Variants in CSMD1 observed in about 807,000 individuals in gnomAD.
CSMD1 encodes CUB and sushi domain-containing protein 1.
A neutral mutation model predicts 417.5 loss-of-function variants in CSMD1; 213 were observed. That is an observed-to-expected ratio of 0.51 (90% CI 0.46 to 0.57). CSMD1 has a LOEUF of 0.57. Among genes scored for constraint, CSMD1 ranks in the 20% least tolerant of loss-of-function variants. The pLI is 0.00. For synonymous variants in CSMD1, 2,862 were observed against 1,736.8 expected (o/e 1.65, Z -16.11); for missense variants, 6,923 against 4,529.7 (o/e 1.53, Z -15.17).
intron 3 of CSMD1, among the ~76,000 whole-genome samples, chr8:4,231,594 A>T (rs11992222): frequency 6.6e-6 from 1 of 151,986 alleles, no homozygotes; most frequent in Non-Finnish European, 1.5e-5. Context: ...ATAAATCTGC[A>T]TACAATCCCC....
intron 4 of CSMD1, among the ~76,000 whole-genome samples, chr8:4,009,692 G>A (rs559244004): frequency 6.6e-6 from 1 of 151,976 alleles, no homozygotes. Flanking sequence ...TATTGAGGAA[G>A]GAAGGGCCAC....
intron 1 of CSMD1, among the ~76,000 whole-genome samples, chr8:4,885,232 C>A (rs557687709): frequency 2.0e-5 from 3 of 151,958 alleles, no homozygotes; most frequent in Non-Finnish European, 1.5e-5. Flanking sequence ...GTTTTTTAAT[C>A]GAATTTCTTA....
intron 3 of CSMD1, among the ~76,000 whole-genome samples, chr8:4,190,541 AG>A (rs1798962618): frequency 1.3e-5 from 1 of 74,748 alleles, no homozygotes; most frequent in African/African-American, 4.3e-5. Context: ...TACACATATA[AG>A]CTTTTTTTTT....
At chr8:3,896,779 G>A (rs537132360) in intron 5 of CSMD1, among the ~76,000 whole-genome samples, 5 of 152,128 alleles carry the variant, frequency 3.3e-5, no homozygotes, top group African/African-American at 1.2e-4. Flanking sequence ...TAAACAGCAA[G>A]TATATTGTCT....
chr8:4,846,117 T>C (rs528259354), intron 1 of CSMD1, among the ~76,000 whole-genome samples: 17 of 152,334 alleles, frequency 1.1e-4, no homozygotes, highest in South Asian at 6.2e-4. Flanking sequence ...CACGTGGCCA[T>C]TGAGTACCTC....
At chr8:3,141,186 T>C (rs987825131) in intron 41 of CSMD1, among the ~76,000 whole-genome samples, 2 of 151,994 alleles carry the variant, frequency 1.3e-5, no homozygotes, top group African/African-American at 4.8e-5. Flanking sequence ...TGTGTGCAGG[T>C]GGGATGGGAG....
intron 1 of CSMD1, among the ~76,000 whole-genome samples, chr8:4,775,786 T>C (rs1456325763): frequency 6.6e-6 from 1 of 152,150 alleles, no homozygotes; most frequent in Non-Finnish European, 1.5e-5. Flanking sequence ...GTGGATGCAC[T>C]GGGGATGGGT....
intron 3 of CSMD1, among the ~76,000 whole-genome samples, chr8:4,327,846 A>G (rs1181609902): frequency 6.6e-6 from 1 of 152,196 alleles, no homozygotes; most frequent in African/African-American, 2.4e-5. Flanking sequence ...TTTTGTTTGA[A>G]AGATGACACA....
At chr8:3,753,155 C>T (rs948095817) in intron 6 of CSMD1, among the ~76,000 whole-genome samples, 7 of 152,126 alleles carry the variant, frequency 4.6e-5, no homozygotes, top group African/African-American at 1.4e-4. Flanking sequence ...ATGGGGTCAA[C>T]GTTCTCATCG....
At chr8:3,493,312 AG>A (rs35321077) in intron 11 of CSMD1, among the ~76,000 whole-genome samples, 27,861 of 124,752 alleles carry the variant, frequency 0.22, 2,490 homozygotes, top group East Asian at 0.45. Context: ...AAAAAAAAAA[AG>A]GGGGGGCGGA....
intron 3 of CSMD1, among the ~76,000 whole-genome samples, chr8:4,337,232 A>T (rs1269749970): frequency 6.6e-6 from 1 of 151,836 alleles, no homozygotes; most frequent in Non-Finnish European, 1.5e-5. Flanking sequence ...GGAGGCAAAA[A>T]CTCCACTGCC....
chr8:3,470,688 C>A (rs4875719), intron 11 of CSMD1, among the ~76,000 whole-genome samples: 11,327 of 152,162 alleles, frequency 0.074, 481 homozygotes, highest in East Asian at 0.19. Context: ...GCTACACCCC[C>A]TTCACTGTCC....
chr8:4,431,013 C>A (rs1050620255), intron 2 of CSMD1, among the ~76,000 whole-genome samples: 1 of 152,144 alleles, frequency 6.6e-6, no homozygotes, highest in South Asian at 2.1e-4. Context: ...TCTGGAAAGA[C>A]TTCGCATAAG....
chr8:4,813,846 A>G (rs549484076), intron 1 of CSMD1, among the ~76,000 whole-genome samples: 121 of 152,322 alleles, frequency 7.9e-4, no homozygotes, highest in Non-Finnish European at 1.4e-3. Context: ...CAGAGTGCAT[A>G]GTAGCATTCT....
At chr8:4,980,948 T>C (rs1810856604) in intron 1 of CSMD1, among the ~76,000 whole-genome samples, 1 of 152,046 alleles carries the variant, frequency 6.6e-6, no homozygotes, top group Non-Finnish European at 1.5e-5. Context: ...CCCAGCAACA[T>C]GGACTAGTAT....
At chr8:4,730,917 G>A (rs370242535) in intron 1 of CSMD1, among the ~76,000 whole-genome samples, 2 of 151,954 alleles carry the variant, frequency 1.3e-5, no homozygotes, top group Non-Finnish European at 1.5e-5. Flanking sequence ...TTTGTTTCCA[G>A]TCATTCCTGA....
chr8:4,143,575 G>C (rs1418996356), intron 3 of CSMD1, among the ~76,000 whole-genome samples: 1 of 150,994 alleles, frequency 6.6e-6, no homozygotes, highest in Admixed American at 6.6e-5. Flanking sequence ...ATGACCCACA[G>C]TTGTCAACCC....
intron 1 of CSMD1, among the ~76,000 whole-genome samples, chr8:4,857,010 T>C (rs890799838): frequency 1.2e-4 from 18 of 149,368 alleles, no homozygotes; most frequent in Admixed American, 1.2e-3. Flanking sequence ...GACCACATAC[T>C]GGGAAGTAAA....
At chr8:4,505,538 T>C (rs1802476160) in intron 2 of CSMD1, among the ~76,000 whole-genome samples, 1 of 152,220 alleles carries the variant, frequency 6.6e-6, no homozygotes, top group Non-Finnish European at 1.5e-5. Flanking sequence ...AGAATCTTGA[T>C]ATTCATATAC....
Sources: gnomAD v4.1 joint callset for allele counts (sites outside exome capture counted in the v4.1 genomes callset) on GRCh38, gnomAD v4.1.1 for gene constraint, MANE v1.5 for transcripts, NCBI Gene and HGNC (gene_info 2026-07-23, HGNC 2026-07-21) for gene names.